The following ARPIN variants were observed in gnomAD, a reference collection of about 807,000 sequenced individuals.
ARPIN encodes the protein actin related protein 2/3 complex inhibitor.
ARPIN carries 23 observed loss-of-function variants against 25.9 expected under a neutral mutation model. The observed-to-expected ratio is 0.89, with a 90% CI of 0.64 to 1.26. The LOEUF is 1.26. Among genes scored for constraint, ARPIN ranks in the 50% most tolerant of loss-of-function variants. The probability of loss-of-function intolerance (pLI) is 0.00; values close to 1 mark genes in which losing one functional copy is unlikely to be tolerated. For synonymous variants in ARPIN, 126 were observed against 131.4 expected (o/e 0.96, Z 0.28); for missense variants, 333 against 312.2 (o/e 1.07, Z -0.50).
intron 3 of ARPIN, 127 bp from the exon 4 acceptor site, chr15:89,904,110 C>T (rs944020010): frequency 8.5e-7 from 1 of 1,175,598 alleles, no homozygotes; most frequent in Non-Finnish European, 1.2e-6. Context: ...GACTCAGTGC[C>T]CATTCTGCGA....
In ARPIN at chr15:89,909,025, G is replaced by A. The variant is rs59481088; in HGVS notation, c.169-613C>T. On this transcript the variant is annotated intron_variant, in intron 2 of 5. Transcript: ENST00000357484. ...CAAAACAAAACCATAACCCAAGCCC[G>A]AGGACCGCAAATACCATGAAGCAGG... 6.5e-3 allele frequency among the ~76,000 whole-genome samples: 996 copies of A among 152,130 alleles called. 19 individuals are homozygous for A. Among genetic ancestry groups the A allele is most frequent in the African/African-American group, 0.023 (962 of 41,450 alleles).
rs1896992946 is a variant in ARPIN, at chr15:89,899,999, G to A, written c.*1796C>T. Reference sequence around the variant, plus strand: ...ATTGACACACTGGGCCTCCTTGTTTGGAATGGTGACCTGTCCATATAAGTG... The same window carrying A: ...ATTGACACACTGGGCCTCCTTGTTTAGAATGGTGACCTGTCCATATAAGTG... On this transcript the variant is annotated 3_prime_UTR_variant, in exon 6 of 6. Coordinates refer to ENST00000357484, the MANE Select transcript of ARPIN (RefSeq NM_182616.4). The A allele has an allele frequency of 6.6e-6, 1 of 152,238 alleles. No individual in the cohort carries two copies. The highest frequency in any genetic ancestry group is 2.4e-5 in the African/African-American group (1 of 41,404). The allele number at this position is 152,238 out of a possible 1,614,324, so 9.4% of individuals were successfully genotyped here.
intron 3 of ARPIN, among the ~76,000 whole-genome samples, chr15:89,907,856 C>T (rs1465745596): frequency 6.6e-6 from 1 of 152,054 alleles, no homozygotes; most frequent in Non-Finnish European, 1.5e-5. Context: ...TAAACAAACA[C>T]ATTTCTATTG....
At chr15:89,905,835 A>G (rs1035065381) in intron 3 of ARPIN, among the ~76,000 whole-genome samples, 1 of 151,782 alleles carries the variant, frequency 6.6e-6, no homozygotes, top group African/African-American at 2.4e-5. Flanking sequence ...CATAGCTTCA[A>G]TACTCTCGAT....
chr15:89,901,943 G>A, intron 5 of ARPIN, 140 bp from the exon 6 acceptor site: 1 of 907,724 alleles, frequency 1.1e-6, no homozygotes, highest in Non-Finnish European at 1.7e-6. Flanking sequence ...CATTAGAGCT[G>A]GCCCGGCAGC....
At chr15:89,912,666 C>T in intron 1 of ARPIN, 78 bp downstream of exon 1, 1 of 498,326 alleles carries the variant, frequency 2.0e-6, no homozygotes, top group Non-Finnish European at 2.6e-6. Flanking sequence ...ACCCGCATCC[C>T]ACCCCCCCAC....
intron 3 of ARPIN, among the ~76,000 whole-genome samples, chr15:89,904,386 G>T (rs892511735): frequency 6.6e-6 from 1 of 152,174 alleles, no homozygotes; most frequent in African/African-American, 2.4e-5. Flanking sequence ...GAAAACTAAG[G>T]CTTAGAGAAG....
Position 89,895,188 on chromosome 15 carries a change from T to C in ARPIN, c.*6607A>G, listed in dbSNP as rs1896910383. ...AATTATTACAAAAATGAGAAATTGG[T>C]TAAGTGCATTGTTCTACATTGAATA... On this transcript the variant is annotated 3_prime_UTR_variant, in exon 6 of 6. Coordinates refer to ENST00000357484, the MANE Select transcript of ARPIN (RefSeq NM_182616.4). 1 of 152,070 alleles carries C rather than the reference T, an allele frequency of 6.6e-6. No homozygotes were observed. The allele number at this position is 152,070 out of a possible 1,614,324, so 9.4% of individuals were successfully genotyped here.
Position 89,912,865 on chromosome 15 carries a change from G to C in ARPIN, c.-30C>G, listed in dbSNP as rs1455165153. The C allele has an allele frequency of 3.3e-6, 5 of 1,509,964 alleles. No individual in the cohort carries two copies. In the African/African-American group the frequency reaches 7.3e-5, roughly 22 times the overall value. The allele number at this position is 1,509,964 out of a possible 1,614,324, so 93.5% of individuals were successfully genotyped here. A position where few individuals can be genotyped will look rare whatever the true frequency, so the allele number is the denominator to read the frequency against. ...CCGACCGCCCGGGCACCCCGGCACA[G>C]AGCCGGCGCACTGGGCTGGGGGCGC... On this transcript the variant is annotated 5_prime_UTR_variant, in exon 1 of 6. Coordinates refer to ENST00000357484, the MANE Select transcript of ARPIN (RefSeq NM_182616.4).
At chr15:89,904,719 C>T (rs1265138376) in intron 3 of ARPIN, among the ~76,000 whole-genome samples, 3 of 152,214 alleles carry the variant, frequency 2.0e-5, no homozygotes, top group Non-Finnish European at 2.9e-5. Context: ...ACAGCAACCC[C>T]GGAGCTTGTC....
Position 89,901,750 on chromosome 15 carries a change from C to T in ARPIN, c.*45G>A, listed in dbSNP as rs373145903. The T allele has an allele frequency of 1.2e-6, 2 of 1,606,676 alleles. No homozygotes were observed. The highest frequency in any genetic ancestry group is 1.7e-6 in the Non-Finnish European group (2 of 1,173,514). ...AGAAGTTCATGGAAGAAATGTTCCA[C>T]AATGCTACAGAAGGTGCTGGTGCCC... On this transcript the variant is annotated 3_prime_UTR_variant, in exon 6 of 6. Transcript: ENST00000357484.
At chr15:89,912,663 T>TTTGGGG in intron 1 of ARPIN, 81 bp downstream of exon 1, 1 of 871,084 alleles carries the variant, frequency 1.1e-6, no homozygotes, top group Non-Finnish European at 1.4e-6. Flanking sequence ...CCCACCCGCA[T>TTTGGGG]CCCACCCCCC....
rs1217785911 is a variant in ARPIN, at chr15:89,901,176, A to G, written c.*619T>C. ...TTGAAGCAGGATAGTACAGGCTACAACACAGAGTGCTGAGGAAGGGGTGGG... is the reference window on the plus strand; with the variant it reads ...TTGAAGCAGGATAGTACAGGCTACAGCACAGAGTGCTGAGGAAGGGGTGGG... On this transcript the variant is annotated 3_prime_UTR_variant, in exon 6 of 6. Transcript: ENST00000357484. 6.4e-6 allele frequency: 1 copy of G among 155,772 alleles called. No individual in the cohort carries two copies. The highest frequency in any genetic ancestry group is 1.4e-5 in the Non-Finnish European group (1 of 70,654). The allele number at this position is 155,772 out of a possible 1,614,324, so 9.6% of individuals were successfully genotyped here. A position where few individuals can be genotyped will look rare whatever the true frequency, so the allele number is the denominator to read the frequency against.
rs1056512435 is a variant in ARPIN at position 89,912,341 on chromosome 15, T to TC, written c.92+402dup. The TC allele has an allele frequency of 9.9e-6, 10 of 1,008,666 alleles. No individual in the cohort carries two copies. The African/African-American group carries it at 1.7e-4, about 17-fold the overall frequency. 62.5% of individuals were successfully genotyped at this position (1,008,666 alleles called of 1,614,324 possible). ...TGCTCTGGACCAGCCCGCCCGCTGT[T>TC]CCCGCCACAGCACGGCCACTGTCCC... On this transcript the variant is annotated intron_variant, in intron 1 of 5. Coordinates refer to ENST00000357484, the MANE Select transcript of ARPIN (RefSeq NM_182616.4).
rs201972251 is a variant in ARPIN, at chr15:89,903,941, G to A, written c.344C>T (p.Ala115Val). ...TGGCTTGTTGACCAGCCCCTTCAGC[G>A]CCTCGGGCGTGAGCCTGTCAGTGTC... is the stretch of plus-strand genomic sequence containing the variant. ...KGDTDRLTPE[A>V]LKGLVNKPEL... Residue 115 changes from alanine (A) to valine (V), a missense_variant, in exon 4 of 6, where the codon GCG becomes GTG. Transcript: ENST00000357484. 145 of 1,611,428 alleles carry A rather than the reference G, an allele frequency of 9.0e-5. 6 individuals carry two copies. The highest frequency in any genetic ancestry group is 4.0e-4 in the East Asian group (18 of 44,884).
Position 89,898,825 on chromosome 15 carries a change from G to GT in ARPIN, c.*2969dup, listed in dbSNP as rs1896971349. On this transcript the variant is annotated 3_prime_UTR_variant, in exon 6 of 6. Coordinates refer to ENST00000357484, the MANE Select transcript of ARPIN (RefSeq NM_182616.4). Reference sequence around the variant, plus strand: ...CCACATGGGGGCCCCTGAAAGCAGGGTTTCAGCCCTGCTGTAGTTCCTCAA... The same window carrying GT: ...CCACATGGGGGCCCCTGAAAGCAGGGTTTTCAGCCCTGCTGTAGTTCCTCAA... 6.6e-6 allele frequency: 1 copy of GT among 152,214 alleles called. No individual in the cohort carries two copies. The highest frequency in any genetic ancestry group is 6.5e-5 in the Admixed American group (1 of 15,282). 9.4% of individuals were successfully genotyped at this position (152,214 alleles called of 1,614,324 possible). A position where few individuals can be genotyped will look rare whatever the true frequency, so the allele number is the denominator to read the frequency against.
Position 89,908,363 on chromosome 15 carries a change from T to C in ARPIN, c.218A>G (p.Lys73Arg). 2 of 1,614,108 alleles carry C rather than the reference T, an allele frequency of 1.2e-6. No individual in the cohort carries two copies. Among genetic ancestry groups the C allele is most frequent in the African/African-American group, 2.7e-5 (2 of 75,014 alleles). ...GATTTCATTTCCCTTGGCGTCGAAT[T>C]TACGGCGATGGATGTGACTGGGCCG... ...YIRPSHIHRR[K>R]FDAKGNEIEP... Residue 73 changes from lysine to arginine, a missense_variant, in exon 3 of 6, where the codon AAA (lysine) becomes AGA (arginine). Transcript: ENST00000357484.
At chr15:89,912,346 C>A in intron 1 of ARPIN, 1 of 1,011,472 alleles carries the variant, frequency 9.9e-7, no homozygotes, top group Non-Finnish European at 1.2e-6. Flanking sequence ...GCTGTTCCCG[C>A]CACAGCACGG....
At chr15:89,903,678 G>T in intron 4 of ARPIN, 99 bp downstream of exon 4, 1 of 1,544,834 alleles carries the variant, frequency 6.5e-7, no homozygotes, top group East Asian at 2.3e-5. Context: ...ATGGAGGCCA[G>T]CCCTTGCCTG....
Sources: gnomAD v4.1 joint callset for allele counts (sites outside exome capture counted in the v4.1 genomes callset) on GRCh38, gnomAD v4.1.1 for gene constraint, MANE v1.5 for transcripts, NCBI Gene and HGNC (gene_info 2026-07-23, HGNC 2026-07-21) for gene names.